The following VIT variants were observed in gnomAD, a reference collection of about 807,000 sequenced individuals.
The protein encoded by VIT is vitrin.
Under a neutral mutation model 78.0 loss-of-function variants are expected in VIT, and 99 were observed. That is an observed-to-expected ratio of 1.27 (90% CI 1.08 to 1.50). VIT has a LOEUF of 1.50. Among genes scored for constraint, VIT ranks in the 40% most tolerant of loss-of-function variants. The pLI is 0.00. For missense variants in VIT, 1,126 were observed against 875.3 expected (o/e 1.29, Z -3.61); for synonymous variants, 374 against 334.3 (o/e 1.12, Z -1.29).
chr2:36,702,976 C>T (rs1002794276), intron 1 of VIT, among the ~76,000 whole-genome samples: 1 of 152,168 alleles, frequency 6.6e-6, no homozygotes, highest in African/African-American at 2.4e-5. Context: ...CTGACTCAGA[C>T]CAGAGCTAAA....
rs1241073308 is a variant in VIT at position 36,808,865 on chromosome 2, T to C, written c.1783T>C (p.Phe595Leu). ...CACCAGCACGGGGGCTGCCATCAAC[T>C]TCGCCCTGGAGCAGCTCTTCAAGAA... ...GGTSTGAAIN[F>L]ALEQLFKKSK... The change falls in exon 15 of 16, where the codon TTC becomes CTC. Residue 595 changes from phenylalanine (F) to leucine (L), a missense_variant. Transcript: ENST00000379242. 4.3e-6 allele frequency: 7 copies of C among 1,614,152 alleles called. No homozygotes were observed. The South Asian group carries it at 7.7e-5, about 18-fold the overall frequency.
chr2:36,805,328 C>G (rs1254043605), intron 13 of VIT, 110 bp from the exon 14 acceptor site: 9 of 466,340 alleles, frequency 1.9e-5, no homozygotes, highest in Admixed American at 5.7e-5. Context: ...AAAAAAAAAA[C>G]TAGGGAGGGA....
chr2:36,796,020 A>C (rs987857909), intron 12 of VIT, among the ~76,000 whole-genome samples: 11 of 151,704 alleles, frequency 7.3e-5, no homozygotes, highest in Admixed American at 5.9e-4. Flanking sequence ...ATATGAGTCC[A>C]CTCCAGAAAG....
intron 1 of VIT, among the ~76,000 whole-genome samples, chr2:36,699,373 A>T (rs1012219505): frequency 1.3e-5 from 2 of 152,188 alleles, no homozygotes; most frequent in Non-Finnish European, 2.9e-5. Context: ...CTCTCTGTAC[A>T]TTGCTAAATG....
chr2:36,705,781 A>C (rs1665379480), intron 1 of VIT, among the ~76,000 whole-genome samples: 1 of 152,208 alleles, frequency 6.6e-6, no homozygotes, highest in African/African-American at 2.4e-5. Context: ...CGTTCTCATA[A>C]ATACATCGAG....
At chr2:36,733,984 C>A (rs1487257545) in intron 3 of VIT, among the ~76,000 whole-genome samples, 1 of 152,158 alleles carries the variant, frequency 6.6e-6, no homozygotes, top group Non-Finnish European at 1.5e-5. Flanking sequence ...TTAAACAAAT[C>A]ACTTTAGCTT....
chr2:36,774,591 G>A (rs1243833631), intron 8 of VIT: 1 of 985,330 alleles, frequency 1.0e-6, no homozygotes, highest in Non-Finnish European at 1.2e-6. Flanking sequence ...TGTAGGTTCT[G>A]TTTTGCTTGC....
intron 3 of VIT, among the ~76,000 whole-genome samples, chr2:36,733,399 GGA>G (rs1175982096): frequency 1.3e-5 from 2 of 152,060 alleles, no homozygotes; most frequent in Non-Finnish European, 2.9e-5. Context: ...CAAATTCCTG[GGA>G]GAGAGAATCT....
intron 1 of VIT, among the ~76,000 whole-genome samples, chr2:36,708,617 C>G (rs563400693): frequency 1.3e-5 from 2 of 152,192 alleles, no homozygotes; most frequent in Non-Finnish European, 2.9e-5. Context: ...CTCTGACAGT[C>G]TGATTCCTCT....
chr2:36,782,395 G>A (rs1229841922), intron 10 of VIT, among the ~76,000 whole-genome samples: 1 of 152,222 alleles, frequency 6.6e-6, no homozygotes, highest in Non-Finnish European at 1.5e-5. Flanking sequence ...GAAGTGGGAT[G>A]AGCTAGCTGA....
intron 4 of VIT, among the ~76,000 whole-genome samples, chr2:36,747,225 G>C (rs1410044435): frequency 6.6e-6 from 1 of 152,108 alleles, no homozygotes; most frequent in Non-Finnish European, 1.5e-5. Flanking sequence ...TAAACATGTG[G>C]TCAATCATAG....
intron 4 of VIT, among the ~76,000 whole-genome samples, chr2:36,746,029 T>C (rs1481446232): frequency 1.3e-5 from 2 of 152,218 alleles, no homozygotes; most frequent in Admixed American, 6.5e-5. Flanking sequence ...ATATTGGATC[T>C]TATCAAAAGC....
intron 2 of VIT, among the ~76,000 whole-genome samples, chr2:36,722,902 T>G (rs1034920114): frequency 2.6e-5 from 4 of 151,978 alleles, no homozygotes; most frequent in African/African-American, 9.7e-5. Context: ...GATTTCAGTA[T>G]GACCAGATTA....
intron 6 of VIT, chr2:36,759,689 C>T: frequency 3.0e-6 from 3 of 987,904 alleles, no homozygotes; most frequent in South Asian, 9.3e-5. Context: ...CGGGATTTTG[C>T]ATTGCTTCCA....
intron 15 of VIT, among the ~76,000 whole-genome samples, chr2:36,809,632 G>A (rs913152857): frequency 6.6e-6 from 1 of 152,080 alleles, no homozygotes; most frequent in African/African-American, 2.4e-5. Context: ...TGGTCACGAT[G>A]GTCTCGAACT....
chr2:36,745,257 C>G (rs1342609826), intron 4 of VIT, among the ~76,000 whole-genome samples: 1 of 151,942 alleles, frequency 6.6e-6, no homozygotes, highest in Non-Finnish European at 1.5e-5. Context: ...ATACCTCCAG[C>G]TTTTTTCTTT....
chr2:36,711,214 GT>G (rs1396997382), intron 1 of VIT, among the ~76,000 whole-genome samples: 1 of 152,114 alleles, frequency 6.6e-6, no homozygotes, highest in African/African-American at 2.4e-5. Flanking sequence ...TCTTCTTGCT[GT>G]GGTCTTTATT....
chr2:36,728,620 C>T (rs1415307003), intron 2 of VIT, among the ~76,000 whole-genome samples: 1 of 80,644 alleles, frequency 1.2e-5, no homozygotes, highest in East Asian at 3.5e-4. Context: ...GAGACCATCC[C>T]GGCTAAAACG....
chr2:36,795,632 C>G (rs1484297946), intron 12 of VIT, among the ~76,000 whole-genome samples: 1 of 152,054 alleles, frequency 6.6e-6, no homozygotes, highest in Non-Finnish European at 1.5e-5. Context: ...TCAAGCTGGT[C>G]TCGAACTCCT....
Sources: gnomAD v4.1 joint callset for allele counts (sites outside exome capture counted in the v4.1 genomes callset) on GRCh38, gnomAD v4.1.1 for gene constraint, MANE v1.5 for transcripts, NCBI Gene and HGNC (gene_info 2026-07-23, HGNC 2026-07-21) for gene names.